Variants in EPHA5 observed in about 807,000 individuals in gnomAD.
The protein encoded by EPHA5 is EPH receptor A5.
Under a neutral mutation model 105.0 loss-of-function variants are expected in EPHA5, and 60 were observed. The observed-to-expected ratio is 0.57, with a 90% CI of 0.46 to 0.71. The LOEUF is 0.71. Among genes scored for constraint, EPHA5 ranks in the 30% least tolerant of loss-of-function variants. EPHA5 has a pLI of 0.00. For missense variants in EPHA5, 1,218 were observed against 1,274.7 expected (o/e 0.96, Z 0.68); for synonymous variants, 513 against 449.1 (o/e 1.14, Z -1.80).
At chr4:65,483,815 C>G (rs1730615989) in intron 5 of EPHA5, among the ~76,000 whole-genome samples, 1 of 151,980 alleles carries the variant, frequency 6.6e-6, no homozygotes, top group Non-Finnish European at 1.5e-5. Flanking sequence ...CCCCTGAAGT[C>G]AAAGCTGTGA....
At chr4:65,588,181 A>G (rs1742300637) in intron 3 of EPHA5, among the ~76,000 whole-genome samples, 1 of 152,122 alleles carries the variant, frequency 6.6e-6, no homozygotes, top group Non-Finnish European at 1.5e-5. Context: ...TGAATAAAAC[A>G]TTTAACAGTA....
chr4:65,668,509 C>T (rs757521772), intron 1 of EPHA5, among the ~76,000 whole-genome samples: 1 of 152,114 alleles, frequency 6.6e-6, no homozygotes. Context: ...GCGAGTAATG[C>T]GCCCTTGGGC....
At chr4:65,512,321 AAT>A (rs1306936658) in intron 3 of EPHA5, among the ~76,000 whole-genome samples, 1 of 152,118 alleles carries the variant, frequency 6.6e-6, no homozygotes, top group African/African-American at 2.4e-5. Flanking sequence ...AAAATAAATA[AAT>A]ATGTCAGGAA....
rs1044306387 is a variant in EPHA5, at chr4:65,574,400, A to T, written c.910+27241T>A. 8.3e-5 allele frequency: 57 copies of T among 684,468 alleles called. No homozygotes were observed. The Middle Eastern group carries it at 2.4e-3, about 28-fold the overall frequency. The allele number at this position is 684,468 out of a possible 1,614,324, so 42.4% of individuals were successfully genotyped here. On this transcript the variant is annotated intron_variant, in intron 3 of 16. Coordinates refer to ENST00000613740, the MANE Select transcript of EPHA5 (RefSeq NM_001281766.3). ...TAATAATAAAAAATAAAAAAATAAA[A>T]AAATACTCAAATAACTCAAATACAT...
chr4:65,630,046 C>G (rs1196234494), intron 2 of EPHA5, among the ~76,000 whole-genome samples: 1 of 143,586 alleles, frequency 7.0e-6, no homozygotes, highest in Non-Finnish European at 1.5e-5. Context: ...GCAGAAGAAG[C>G]CTCCCTCTAC....
At position 65,366,066 on chromosome 4, in the gene EPHA5, A is replaced by T. The variant is rs368540778; in HGVS notation, c.1862-9T>A. 4 of 1,588,242 alleles carry T rather than the reference A, an allele frequency of 2.5e-6. No homozygotes were observed. The highest frequency in any genetic ancestry group is 2.6e-6 in the Non-Finnish European group (3 of 1,160,832). On this transcript the variant is annotated splice_polypyrimidine_tract_variant and intron_variant, in intron 9 of 16. Coordinates refer to ENST00000613740, the MANE Select transcript of EPHA5 (RefSeq NM_001281766.3). Reference sequence around the variant, plus strand: ...TACTCCTGGCAGTTTAACTGTAAATATAAATTGGCATTAAAACAGAAGTAG... The same window carrying T: ...TACTCCTGGCAGTTTAACTGTAAATTTAAATTGGCATTAAAACAGAAGTAG...
chr4:65,497,128 C>CT (rs1179525495), intron 3 of EPHA5, among the ~76,000 whole-genome samples: 3 of 152,082 alleles, frequency 2.0e-5, no homozygotes, highest in Admixed American at 2.0e-4. Flanking sequence ...TAATCAACTA[C>CT]TTTTTTCTAT....
intron 3 of EPHA5, among the ~76,000 whole-genome samples, chr4:65,524,199 G>A (rs1735022019): frequency 6.6e-6 from 1 of 151,740 alleles, no homozygotes; most frequent in South Asian, 2.1e-4. Flanking sequence ...AAACATGTAT[G>A]GGTACAATTT....
rs1373305687 is a variant in EPHA5, at chr4:65,515,302, C to A, written c.911-19759G>T. On this transcript the variant is annotated intron_variant, in intron 3 of 16. Coordinates refer to ENST00000613740, the MANE Select transcript of EPHA5 (RefSeq NM_001281766.3). The stretch of plus-strand genomic sequence containing the variant: ...TTGTTGTTTTCTTTTTTAAAAAAAA[C>A]AACAACATTGCTTTGGCTCATCCAG... 2.0e-5 allele frequency among the ~76,000 whole-genome samples: 3 copies of A among 151,944 alleles called. No homozygotes were observed. The South Asian group carries it at 6.2e-4, about 31-fold the overall frequency.
chr4:65,641,412 GA>G (rs913774936), intron 2 of EPHA5, among the ~76,000 whole-genome samples: 7 of 149,214 alleles, frequency 4.7e-5, no homozygotes, highest in African/African-American at 1.2e-4. Flanking sequence ...GGCATTTATT[GA>G]AAAAAAAATT....
At chr4:65,440,832 C>T (rs1725945806) in intron 5 of EPHA5, among the ~76,000 whole-genome samples, 2 of 151,914 alleles carry the variant, frequency 1.3e-5, no homozygotes, top group South Asian at 4.2e-4. Context: ...GCCCATCTCC[C>T]TATGGGTGTC....
rs531324149 is a variant in EPHA5 at position 65,431,064 on chromosome 4, A to G, written c.1403-10499T>C. ...TGTAATAGCATTCAAATATATGAGAAATATCTCTACATACTCCTATACCGA... is the reference window on the plus strand; with the variant it reads ...TGTAATAGCATTCAAATATATGAGAGATATCTCTACATACTCCTATACCGA... On this transcript the variant is annotated intron_variant, in intron 5 of 16. Transcript: ENST00000613740. 2.0e-5 allele frequency among the ~76,000 whole-genome samples: 3 copies of G among 152,284 alleles called. No individual in the cohort carries two copies. In the South Asian group the frequency reaches 6.2e-4, roughly 32 times the overall value.
chr4:65,380,560 C>A (rs903117970), intron 8 of EPHA5, among the ~76,000 whole-genome samples: 1 of 151,344 alleles, frequency 6.6e-6, no homozygotes. Flanking sequence ...AACAAGAGAT[C>A]ATAGAATTGG....
At chr4:65,347,778 A>G (rs938895216) in intron 14 of EPHA5, among the ~76,000 whole-genome samples, 14 of 152,136 alleles carry the variant, frequency 9.2e-5, no homozygotes, top group Non-Finnish European at 1.8e-4. Context: ...TGAAAATGAT[A>G]CTGACAAGAA....
intron 8 of EPHA5, among the ~76,000 whole-genome samples, chr4:65,401,064 G>C (rs1721768110): frequency 6.6e-6 from 1 of 151,446 alleles, no homozygotes; most frequent in South Asian, 2.1e-4. Context: ...GTGTGTGTGA[G>C]AGAGAGAGAA....
At chr4:65,412,345 G>T (rs1722990686) in intron 7 of EPHA5, among the ~76,000 whole-genome samples, 1 of 152,098 alleles carries the variant, frequency 6.6e-6, no homozygotes, top group South Asian at 2.1e-4. Context: ...TCCATGTGTT[G>T]TTACTCATGT....
intron 3 of EPHA5, among the ~76,000 whole-genome samples, chr4:65,548,904 AC>A (rs1389860380): frequency 2.0e-5 from 3 of 152,152 alleles, no homozygotes; most frequent in Non-Finnish European, 4.4e-5. Flanking sequence ...GACTTAGGGA[AC>A]TTGGACAAAT....
At chr4:65,421,275 A>G (rs1723921840) in intron 5 of EPHA5, among the ~76,000 whole-genome samples, 1 of 152,062 alleles carries the variant, frequency 6.6e-6, no homozygotes, top group African/African-American at 2.4e-5. Flanking sequence ...TTTGCAAAAC[A>G]TCTGAATATT....
chr4:65,401,924 AG>A (rs1328800792), intron 8 of EPHA5, among the ~76,000 whole-genome samples: 1 of 151,926 alleles, frequency 6.6e-6, no homozygotes, highest in East Asian at 1.9e-4. Context: ...AGAGAGAGAG[AG>A]AGAGAGAAAG....
Sources: gnomAD v4.1 joint callset for allele counts (sites outside exome capture counted in the v4.1 genomes callset) on GRCh38, gnomAD v4.1.1 for gene constraint, MANE v1.5 for transcripts, NCBI Gene and HGNC (gene_info 2026-07-23, HGNC 2026-07-21) for gene names.